Variants in UPK3B observed in about 807,000 individuals in gnomAD.
UPK3B encodes the protein uroplakin-3b.
A neutral mutation model predicts 27.6 loss-of-function variants in UPK3B; 21 were observed. The ratio of observed to expected loss-of-function variants is 0.76; its 90% CI spans 0.54 to 1.10. The LOEUF (loss-of-function observed/expected upper bound fraction) is 1.10, where lower values mean the gene tolerates loss of function less well. Among genes scored for constraint, UPK3B ranks in the 50% least tolerant of loss-of-function variants. UPK3B has a pLI of 0.00. For synonymous variants in UPK3B, 141 were observed against 162.3 expected (o/e 0.87, Z 1.00); for missense variants, 306 against 376.1 (o/e 0.81, Z 1.54).
intron 2 of UPK3B, chr7:76,511,392 A>G (rs1362954298): frequency 2.3e-6 from 2 of 873,790 alleles, no homozygotes; most frequent in African/African-American, 1.7e-5. Flanking sequence ...GGGCCGGTGC[A>G]CTGCAATGGG....
intron 5 of UPK3B, 89 bp from the exon 6 acceptor site, chr7:76,514,956 G>T (rs1478020290): frequency 3.9e-5 from 57 of 1,452,652 alleles, no homozygotes; most frequent in Non-Finnish European, 5.1e-5. Flanking sequence ...ACACATGAGG[G>T]AGCTGGGAGG....
chr7:76,513,204 C>G (rs374633537), intron 4 of UPK3B, 41 bp downstream of exon 4: 4 of 1,579,438 alleles, frequency 2.5e-6, no homozygotes, highest in Non-Finnish European at 2.6e-6. Flanking sequence ...AGTGGACTCA[C>G]GATCTCTCTG....
chr7:76,516,383 A>G lies in UPK3B; in HGVS notation c.*1179A>G. On this transcript the variant is annotated 3_prime_UTR_variant, in exon 6 of 6. Coordinates refer to ENST00000334348, the MANE Select transcript of UPK3B (RefSeq NM_001347684.2). ...TGCACTCTGTCCACGGCCGCTGCAC[A>G]CGCCCCCTTGGGCTGCGCTCCCGGA... is the stretch of plus-strand genomic sequence containing the variant. 3.3e-6 allele frequency: 2 copies of G among 612,074 alleles called. No individual in the cohort carries two copies. Among genetic ancestry groups the G allele is most frequent in the Non-Finnish European group, 3.8e-6 (2 of 529,970 alleles). The allele number at this position is 612,074 out of a possible 1,614,324, so 37.9% of individuals were successfully genotyped here. A position where few individuals can be genotyped will look rare whatever the true frequency, so the allele number is the denominator to read the frequency against.
intron 4 of UPK3B, 149 bp from the exon 5 acceptor site, chr7:76,513,798 C>T (rs541577148): frequency 1.3e-4 from 148 of 1,149,462 alleles, no homozygotes; most frequent in Non-Finnish European, 1.5e-4. Context: ...GGAAGAGGGA[C>T]GGGGGGTGGG....
intron 4 of UPK3B, 139 bp downstream of exon 4, chr7:76,513,302 G>T: frequency 1.3e-6 from 1 of 798,218 alleles, no homozygotes; most frequent in South Asian, 1.8e-5. Flanking sequence ...GCCCCCAACA[G>T]AACCTCATGC....
Position 76,514,062 on chromosome 7 carries a change from C to T in UPK3B, c.657C>T (p.Ala219=). ...AGLLLLAFLA[A]STMRFSSLWW... ...TCCTACTCTTGGCCTTCTTGGCAGC[C>T]TCTACCATGCGCTTGTGAGTGGGGA... The change falls in exon 5 of 6, where the codon GCC becomes GCT. Residue 219 remains alanine, a synonymous_variant. Coordinates refer to ENST00000334348, the MANE Select transcript of UPK3B (RefSeq NM_001347684.2). 3 of 1,614,044 alleles carry T rather than the reference C, an allele frequency of 1.9e-6. No homozygotes were observed. The highest frequency in any genetic ancestry group is 1.1e-5 in the South Asian group (1 of 91,082).
rs1451687182 is a variant in UPK3B, at chr7:76,515,249, T to A, written c.*45T>A. The A allele has an allele frequency of 2.5e-6, 4 of 1,568,942 alleles. No homozygotes were observed. The highest frequency in any genetic ancestry group is 1.2e-5 in the South Asian group (1 of 85,666). ...GCTGGGGGAGATGGGGCGCTGGGAGTGAGTGCATGGTGCTTTGTCCCAGCT... is the reference window on the plus strand; with the variant it reads ...GCTGGGGGAGATGGGGCGCTGGGAGAGAGTGCATGGTGCTTTGTCCCAGCT... On this transcript the variant is annotated 3_prime_UTR_variant, in exon 6 of 6. Transcript: ENST00000334348.
intron 4 of UPK3B, among the ~76,000 whole-genome samples, chr7:76,513,555 A>G (rs2286989): frequency 0.36 from 54,712 of 151,682 alleles, 10,487 homozygotes; most frequent in East Asian, 0.43. Context: ...GAATGTACCA[A>G]GCCCAGAAGT....
Position 76,516,290 on chromosome 7 carries a change from TG to T in UPK3B, c.*1087del, listed in dbSNP as rs1174570645. ...CAATCACGCCTGAGAGCCCACTGCG[TG>T]CCATGCAGTCCGCACAGCCGCAGCG... is the stretch of plus-strand genomic sequence containing the variant. On this transcript the variant is annotated 3_prime_UTR_variant, in exon 6 of 6. Transcript: ENST00000334348. 1.6e-6 allele frequency: 1 copy of T among 611,952 alleles called. No homozygotes were observed. Among genetic ancestry groups the T allele is most frequent in the Non-Finnish European group, 1.9e-6 (1 of 529,954 alleles). The allele number at this position is 611,952 out of a possible 1,614,324, so 37.9% of individuals were successfully genotyped here.
At chr7:76,513,663 C>T (rs1009383811) in intron 4 of UPK3B, among the ~76,000 whole-genome samples, 3 of 152,040 alleles carry the variant, frequency 2.0e-5, no homozygotes, top group Non-Finnish European at 4.4e-5. Flanking sequence ...ATCTGAAGGC[C>T]TTGACTGCTG....
chr7:76,515,351 A>AGGG lies in UPK3B; in HGVS notation c.*148_*149insGGG. 6.7e-7 allele frequency: 1 copy of AGGG among 1,494,542 alleles called. No individual in the cohort carries two copies. Among genetic ancestry groups the AGGG allele is most frequent in the Non-Finnish European group, 8.9e-7 (1 of 1,122,548 alleles). The allele number at this position is 1,494,542 out of a possible 1,614,324, so 92.6% of individuals were successfully genotyped here. On this transcript the variant is annotated 3_prime_UTR_variant, in exon 6 of 6. Coordinates refer to ENST00000334348, the MANE Select transcript of UPK3B (RefSeq NM_001347684.2). ...CACCCCGTACCCTGCCTGGAATCCCAGCACCAGCCCCCCTGCCTCTCCTCT... is the reference window on the plus strand; with the variant it reads ...CACCCCGTACCCTGCCTGGAATCCCAGGGGCACCAGCCCCCCTGCCTCTCCTCT...
chr7:76,513,789 G>A (rs753678761), intron 4 of UPK3B, among the ~76,000 whole-genome samples, 158 bp from the exon 5 acceptor site: 10 of 151,768 alleles, frequency 6.6e-5, no homozygotes, highest in Non-Finnish European at 1.3e-4. Flanking sequence ...CCGTCCCGAG[G>A]AAGAGGGACG....
In UPK3B at chr7:76,515,317, C is replaced by T. The variant is rs529143044; in HGVS notation, c.*113C>T. The T allele has an allele frequency of 1.3e-6, 2 of 1,521,066 alleles. No individual in the cohort carries two copies. The highest frequency in any genetic ancestry group is 2.0e-5 in the Admixed American group (1 of 49,264). 94.2% of individuals were successfully genotyped at this position (1,521,066 alleles called of 1,614,324 possible). ...CCTCAGGGCTCCTTGCCTTTCCCCC[C>T]CACCAGCACACCCCGTACCCTGCCT... On this transcript the variant is annotated 3_prime_UTR_variant, in exon 6 of 6. Transcript: ENST00000334348.
At chr7:76,511,342 C>T (rs1371962393) in intron 2 of UPK3B, among the ~76,000 whole-genome samples, 5 of 152,156 alleles carry the variant, frequency 3.3e-5, no homozygotes, top group Admixed American at 2.0e-4. Context: ...GACAGGGAAC[C>T]GAGGCTGCGA....
intron 5 of UPK3B, 113 bp from the exon 6 acceptor site, chr7:76,514,928 AAGAG>A (rs1295905557): frequency 4.6e-5 from 57 of 1,225,870 alleles, no homozygotes; most frequent in Middle Eastern, 2.5e-4. Flanking sequence ...AAAAAAAGAA[AAGAG>A]AGAGAGAGAG....
rs559285304 is a variant in UPK3B, at chr7:76,513,780, C to T, written c.542-167C>T. On this transcript the variant is annotated intron_variant, in intron 4 of 5. Transcript: ENST00000334348. ...GGCTGGCAGAGAACAGATGCTGTGC[C>T]GTCCCGAGGAAGAGGGACGGGGGGT... is the stretch of plus-strand genomic sequence containing the variant. 6.6e-5 allele frequency among the ~76,000 whole-genome samples: 10 copies of T among 151,008 alleles called. No homozygotes were observed. The East Asian group carries it at 1.8e-3, about 27-fold the overall frequency.
chr7:76,510,985 G>T lies in UPK3B; in HGVS notation c.168G>T (p.Pro56=), dbSNP rs747818478. ...VTATTFSLEQ[P]RCVFDGLASA... The stretch of plus-strand genomic sequence containing the variant: ...CCACCACCTTCTCCCTGGAGCAGCC[G>T]CGCTGTGTCTTCGATGGGCTTGCCA... The change falls in exon 2 of 6, where the codon CCG becomes CCT. Residue 56 remains proline, a synonymous_variant. Transcript: ENST00000334348. 9.5e-6 allele frequency: 15 copies of T among 1,586,170 alleles called. No individual in the cohort carries two copies. The African/African-American group carries it at 2.0e-4, about 21-fold the overall frequency.
chr7:76,512,980 A>G, intron 3 of UPK3B, 104 bp from the exon 4 acceptor site: 1 of 897,418 alleles, frequency 1.1e-6, no homozygotes, highest in Non-Finnish European at 1.8e-6. Flanking sequence ...CCCACTCCAC[A>G]TCCATGGGAG....
At chr7:76,514,344 G>A (rs1033106352) in intron 5 of UPK3B, among the ~76,000 whole-genome samples, 5 of 152,146 alleles carry the variant, frequency 3.3e-5, no homozygotes, top group Non-Finnish European at 2.9e-5. Context: ...CCCAGGGCCT[G>A]TGCAGGGAAC....
Sources: gnomAD v4.1 joint callset for allele counts (sites outside exome capture counted in the v4.1 genomes callset) on GRCh38, gnomAD v4.1.1 for gene constraint, MANE v1.5 for transcripts, NCBI Gene and HGNC (gene_info 2026-07-23, HGNC 2026-07-21) for gene names.